The following JPH3 variants were observed in gnomAD, a reference collection of about 807,000 sequenced individuals.
JPH3 encodes the protein junctophilin-3.
A neutral mutation model predicts 59.6 loss-of-function variants in JPH3; 11 were observed. The observed-to-expected ratio is 0.18, with a 90% CI of 0.12 to 0.31. JPH3 has a LOEUF of 0.31. Among genes scored for constraint, JPH3 ranks in the 10% least tolerant of loss-of-function variants. JPH3 has a pLI of 1.00. For synonymous variants in JPH3, 673 were observed against 483.6 expected (o/e 1.39, Z -5.14); for missense variants, 1,202 against 1,105.7 (o/e 1.09, Z -1.24).
At chr16:87,677,881 G>C (rs552480755) in intron 2 of JPH3, among the ~76,000 whole-genome samples, 2 of 152,360 alleles carry the variant, frequency 1.3e-5, no homozygotes, top group South Asian at 4.1e-4. Flanking sequence ...TGGGGATGGG[G>C]ATTGAGGTCA....
intron 2 of JPH3, among the ~76,000 whole-genome samples, chr16:87,679,295 G>A (rs898555816): frequency 8.5e-5 from 5 of 58,516 alleles, no homozygotes; most frequent in Admixed American, 5.4e-4. Context: ...GGGAAGACTC[G>A]GTCTAAAGAT....
rs553902311 is a variant in JPH3 at position 87,679,178 on chromosome 16, G to A, written c.1161-4964G>A. Among the ~76,000 whole-genome samples the A allele has an allele frequency of 8.5e-5, 13 of 152,322 alleles. No homozygotes were observed. The East Asian group carries it at 1.7e-3, about 20-fold the overall frequency. On this transcript the variant is annotated intron_variant, in intron 2 of 4. Coordinates refer to ENST00000284262, the MANE Select transcript of JPH3 (RefSeq NM_020655.4). ...TCCTGCCTGTCCCTGCCACCCTTAGGAGTCCGAGAAACTGGACCTGCCCGT... is the reference window on the plus strand; with the variant it reads ...TCCTGCCTGTCCCTGCCACCCTTAGAAGTCCGAGAAACTGGACCTGCCCGT...
chr16:87,645,699 G>C (rs142657631), intron 2 of JPH3, among the ~76,000 whole-genome samples: 1 of 152,148 alleles, frequency 6.6e-6, no homozygotes, highest in Non-Finnish European at 1.5e-5. Context: ...TGGCTTTTGG[G>C]TACCTTTAGG....
At chr16:87,647,895 A>G (rs1253047950) in intron 2 of JPH3, among the ~76,000 whole-genome samples, 1 of 152,124 alleles carries the variant, frequency 6.6e-6, no homozygotes, top group Non-Finnish European at 1.5e-5. Context: ...TGCCTCTGAG[A>G]CCCGCAGACC....
chr16:87,695,027 T>G, intron 4 of JPH3: 3 of 324,752 alleles, frequency 9.2e-6, no homozygotes, highest in Non-Finnish European at 6.1e-6. Flanking sequence ...ACACACAAGG[T>G]TTTGAGTGGA....
At chr16:87,620,327 G>A (rs970334598) in intron 1 of JPH3, among the ~76,000 whole-genome samples, 2 of 151,228 alleles carry the variant, frequency 1.3e-5, no homozygotes, top group Non-Finnish European at 3.0e-5. Flanking sequence ...CACCCATAGG[G>A]GCAGGGTCCT....
Position 87,641,107 on chromosome 16 carries a change from C to T in JPH3, c.383-3151C>T, listed in dbSNP as rs538808315. On this transcript the variant is annotated intron_variant, in intron 1 of 4. Coordinates refer to ENST00000284262, the MANE Select transcript of JPH3 (RefSeq NM_020655.4). ...TCAGCTGCCCCCTCTGCCTCCTCCCCGTGCCCATCACAACTGCCCCCAGTG... is the reference window on the plus strand; with the variant it reads ...TCAGCTGCCCCCTCTGCCTCCTCCCTGTGCCCATCACAACTGCCCCCAGTG... Among the ~76,000 whole-genome samples the T allele has an allele frequency of 2.4e-4, 36 of 152,354 alleles. No homozygotes were observed. The South Asian group carries it at 3.1e-3, about 13-fold the overall frequency.
intron 1 of JPH3, among the ~76,000 whole-genome samples, chr16:87,606,254 C>T (rs1458571412): frequency 6.6e-6 from 1 of 152,250 alleles, no homozygotes; most frequent in African/African-American, 2.4e-5. Flanking sequence ...GAATATTGGG[C>T]AGCCATCAGC....
chr16:87,644,768 C>T lies in JPH3; in HGVS notation c.893C>T (p.Ser298Phe), dbSNP rs773282602. 1.4e-5 allele frequency: 22 copies of T among 1,613,190 alleles called. No individual in the cohort carries two copies. The highest frequency in any genetic ancestry group is 1.7e-5 in the Non-Finnish European group (20 of 1,179,910). The change falls in exon 2 of 5, where the codon TCC (serine) becomes TTC (phenylalanine). Residue 298 changes from serine to phenylalanine, a missense_variant. Physicochemically the swap from Ser to Phe is radical, Grantham distance 155. Transcript: ENST00000284262. Reference sequence around the variant, plus strand: ...GGCGAGTGGAAGAACGACAAACGCTCCGGCTTCGGCGTGAGCCAGCGCTCG... The same window carrying T: ...GGCGAGTGGAAGAACGACAAACGCTTCGGCTTCGGCGTGAGCCAGCGCTCG... Reference protein sequence around the residue: ...YVGEWKNDKRSGFGVSQRSDG... With the variant: ...YVGEWKNDKRFGFGVSQRSDG...
intron 4 of JPH3, 105 bp downstream of exon 4, chr16:87,690,631 C>G: frequency 8.3e-7 from 1 of 1,208,374 alleles, no homozygotes; most frequent in Non-Finnish European, 1.1e-6. Flanking sequence ...TCCCCTGTTC[C>G]TCTCCAGGGG....
intron 3 of JPH3, among the ~76,000 whole-genome samples, chr16:87,685,090 C>T (rs1366521): frequency 0.3 from 46,190 of 152,124 alleles, 7,114 homozygotes; most frequent in Middle Eastern, 0.46. Flanking sequence ...TTGCTCGCAA[C>T]GCCTGCCACT....
intron 1 of JPH3, chr16:87,605,058 C>T: frequency 2.4e-6 from 1 of 414,562 alleles, no homozygotes; most frequent in Non-Finnish European, 4.9e-6. Context: ...GGCAGGCAGC[C>T]TGGCGCTTCC....
Position 87,603,524 on chromosome 16 carries a change from C to T in JPH3, c.378C>T (p.Asp126=), listed in dbSNP as rs1021634567. 4.5e-6 allele frequency: 7 copies of T among 1,548,264 alleles called. No individual in the cohort carries two copies. Among genetic ancestry groups the T allele is most frequent in the Non-Finnish European group, 5.2e-6 (6 of 1,146,686 alleles). ...QDGYGTETYS[D]GGTYQGQWVG... is the part of the protein sequence containing the mutation. ...GCTACGGGACCGAGACCTACTCGGA[C>T]GGAGGTAGGTGCCGCGGGCCGGGCC... Residue 126 remains aspartate (D), a synonymous_variant, in exon 1 of 5, where the codon GAC becomes GAT. Coordinates refer to ENST00000284262, the MANE Select transcript of JPH3 (RefSeq NM_020655.4).
At chr16:87,671,334 C>T (rs1183481370) in intron 2 of JPH3, among the ~76,000 whole-genome samples, 1 of 152,220 alleles carries the variant, frequency 6.6e-6, no homozygotes. Flanking sequence ...CCACCACTGC[C>T]CTCTGACCCG....
chr16:87,609,769 C>A (rs2030664437), intron 1 of JPH3, among the ~76,000 whole-genome samples: 1 of 152,180 alleles, frequency 6.6e-6, no homozygotes, highest in Admixed American at 6.5e-5. Context: ...ATGGGTGAGT[C>A]CTCTAGACCA....
intron 2 of JPH3, among the ~76,000 whole-genome samples, chr16:87,679,452 CT>C (rs1268510249): frequency 6.6e-6 from 1 of 152,212 alleles, no homozygotes; most frequent in Non-Finnish European, 1.5e-5. Flanking sequence ...TCTGCAGAAG[CT>C]TCCCTCTTCC....
chr16:87,689,696 G>A lies in JPH3; in HGVS notation c.1336G>A (p.Val446Met). 2 of 1,612,490 alleles carry A rather than the reference G, an allele frequency of 1.2e-6. No homozygotes were observed. The highest frequency in any genetic ancestry group is 3.3e-5 in the Admixed American group (2 of 59,984). Reference protein sequence around the residue: ...KRQTSCDDIEVLSTGTPLQQE... With the variant: ...KRQTSCDDIEMLSTGTPLQQE... ...TCAGACCTCCTGTGACGACATCGAG[G>A]TGCTGTCCACCGGGACACCCCTGCA... The change falls in exon 4 of 5, where the codon GTG becomes ATG. Residue 446 changes from valine to methionine, a missense_variant. By Grantham distance (21) the Val-to-Met change is conservative. Coordinates refer to ENST00000284262, the MANE Select transcript of JPH3 (RefSeq NM_020655.4).
chr16:87,603,280 A>G lies in JPH3; in HGVS notation c.134A>G (p.His45Arg), dbSNP rs1034129940. 4 of 1,613,406 alleles carry G rather than the reference A, an allele frequency of 2.5e-6. No individual in the cohort carries two copies. The African/African-American group carries it at 4.0e-5, about 16-fold the overall frequency. Residue 45 changes from histidine to arginine, a missense_variant, in exon 1 of 5, where the codon CAC becomes CGC. Transcript: ENST00000284262. ...GQGEYTGSWS[H>R]GFEVLGVYTW... The stretch of plus-strand genomic sequence containing the variant: ...GGCGAATACACCGGCTCGTGGAGCC[A>G]CGGCTTCGAGGTGCTGGGCGTCTAC...
chr16:87,697,828 C>T lies in JPH3; in HGVS notation c.*1168C>T, dbSNP rs1021479283. Reference sequence around the variant, plus strand: ...AAAAACAGGTTCCTTATGTTTCTGCCTTCTCCACCAGGGTCGCTCCATCAC... The same window carrying T: ...AAAAACAGGTTCCTTATGTTTCTGCTTTCTCCACCAGGGTCGCTCCATCAC... On this transcript the variant is annotated 3_prime_UTR_variant, in exon 5 of 5. Transcript: ENST00000284262. 3 of 152,256 alleles carry T rather than the reference C, an allele frequency of 2.0e-5. No homozygotes were observed. The highest frequency in any genetic ancestry group is 2.9e-5 in the Non-Finnish European group (2 of 68,048). The allele number at this position is 152,256 out of a possible 1,614,324, so 9.4% of individuals were successfully genotyped here. A position where few individuals can be genotyped will look rare whatever the true frequency, so the allele number is the denominator to read the frequency against.
Sources: gnomAD v4.1 joint callset for allele counts (sites outside exome capture counted in the v4.1 genomes callset) on GRCh38, gnomAD v4.1.1 for gene constraint, MANE v1.5 for transcripts, NCBI Gene and HGNC (gene_info 2026-07-23, HGNC 2026-07-21) for gene names.